The following EYS variants were observed in gnomAD, a reference collection of about 807,000 sequenced individuals.
EYS encodes the protein protein eyes shut homolog.
Under a neutral mutation model 282.1 loss-of-function variants are expected in EYS, and 250 were observed. The observed-to-expected ratio is 0.89, with a 90% CI of 0.80 to 0.98. The LOEUF (loss-of-function observed/expected upper bound fraction) is 0.98, where lower values mean the gene tolerates loss of function less well. Ranked by LOEUF, EYS falls within the 50% of genes least tolerant of loss-of-function variation. The probability of loss-of-function intolerance (pLI) is 0.00; values close to 1 mark genes in which losing one functional copy is unlikely to be tolerated. For missense variants in EYS, 4,016 were observed against 3,709.0 expected (o/e 1.08, Z -2.15); for synonymous variants, 1,355 against 1,282.9 (o/e 1.06, Z -1.20).
chr6:64,186,728 AGGT>A (rs1274315180), intron 31 of EYS, among the ~76,000 whole-genome samples: 1 of 152,140 alleles, frequency 6.6e-6, no homozygotes, highest in Non-Finnish European at 1.5e-5. Flanking sequence ...ATCCCTTATT[AGGT>A]GTTGGTTCTC....
chr6:65,375,380 A>G (rs1765323779), intron 8 of EYS, among the ~76,000 whole-genome samples: 1 of 152,096 alleles, frequency 6.6e-6, no homozygotes, highest in African/African-American at 2.4e-5. Flanking sequence ...ACCCCATCAA[A>G]AGGTCATCAG....
intron 1 of EYS, among the ~76,000 whole-genome samples, chr6:65,667,168 G>C (rs1562318044): frequency 6.6e-6 from 1 of 151,736 alleles, no homozygotes; most frequent in Non-Finnish European, 1.5e-5. Flanking sequence ...TTCTGTTCTT[G>C]CTCTTACTTA....
intron 19 of EYS, among the ~76,000 whole-genome samples, chr6:64,853,651 T>C (rs1030531341): frequency 2.4e-4 from 36 of 152,100 alleles, no homozygotes; most frequent in African/African-American, 8.7e-4. Flanking sequence ...GTTGTTAATA[T>C]AAAGTAGAAA....
intron 12 of EYS, among the ~76,000 whole-genome samples, chr6:65,118,609 C>T (rs1269256661): frequency 1.3e-5 from 2 of 152,174 alleles, no homozygotes; most frequent in African/African-American, 2.4e-5. Context: ...CCTGTGATTG[C>T]TGTGAATTGT....
intron 22 of EYS, among the ~76,000 whole-genome samples, chr6:64,634,730 A>T (rs1281578733): frequency 6.6e-6 from 1 of 152,228 alleles, no homozygotes; most frequent in Non-Finnish European, 1.5e-5. Flanking sequence ...CTAAGAAAAA[A>T]TGAAGAAGGG....
chr6:64,926,932 G>A (rs138542924), intron 15 of EYS, among the ~76,000 whole-genome samples: 10 of 152,240 alleles, frequency 6.6e-5, no homozygotes, highest in South Asian at 4.1e-4. Context: ...GGCGATATAC[G>A]TCATGATTTT....
At chr6:64,776,099 T>C (rs1773669008) in intron 22 of EYS, among the ~76,000 whole-genome samples, 1 of 152,036 alleles carries the variant, frequency 6.6e-6, no homozygotes. Context: ...AAATCAAATA[T>C]CACACAAATC....
intron 34 of EYS, among the ~76,000 whole-genome samples, chr6:63,986,598 A>G (rs1767378869): frequency 6.6e-6 from 1 of 151,840 alleles, no homozygotes; most frequent in Admixed American, 6.6e-5. Context: ...ATGCAGCCAT[A>G]AAAAAGAATG....
In EYS at chr6:63,720,545, T is replaced by C. The variant is rs2149623247; in HGVS notation, c.*51A>G. 1.5e-6 allele frequency: 2 copies of C among 1,315,564 alleles called. No homozygotes were observed. Among genetic ancestry groups the C allele is most frequent in the Non-Finnish European group, 1.0e-6 (1 of 984,004 alleles). The allele number at this position is 1,315,564 out of a possible 1,614,324, so 81.5% of individuals were successfully genotyped here. Reference sequence around the variant, plus strand: ...AAGCAATGTATCAAAGAAATAACTATCAAAATAACTGCATTTATGTATAGT... The same window carrying C: ...AAGCAATGTATCAAAGAAATAACTACCAAAATAACTGCATTTATGTATAGT... On this transcript the variant is annotated 3_prime_UTR_variant, in exon 43 of 43. Transcript: ENST00000503581.
At chr6:64,193,153 A>C (rs1562246781) in intron 31 of EYS, among the ~76,000 whole-genome samples, 1 of 152,322 alleles carries the variant, frequency 6.6e-6, no homozygotes, top group Non-Finnish European at 1.5e-5. Context: ...GTCACATTTT[A>C]CAAAATAAAA....
At chr6:64,262,626 G>A (rs1268988185) in intron 30 of EYS, among the ~76,000 whole-genome samples, 40 of 151,802 alleles carry the variant, frequency 2.6e-4, no homozygotes. Flanking sequence ...CTTCCTTTTT[G>A]CTTTGCTGGC....
intron 41 of EYS, chr6:63,742,090 TCTTCA>T: frequency 1.5e-6 from 1 of 651,192 alleles, no homozygotes; most frequent in Non-Finnish European, 2.8e-6. Flanking sequence ...CCTCTTTAAC[TCTTCA>T]CTTGTACATC....
At chr6:64,489,348 A>G (rs2150504857) in intron 26 of EYS, among the ~76,000 whole-genome samples, 1 of 150,766 alleles carries the variant, frequency 6.6e-6, no homozygotes, top group Non-Finnish European at 1.5e-5. Flanking sequence ...TCTAGTGGTC[A>G]GACAATTGAG....
intron 37 of EYS, among the ~76,000 whole-genome samples, chr6:63,803,296 A>G (rs1770823560): frequency 6.6e-6 from 1 of 151,300 alleles, no homozygotes; most frequent in South Asian, 2.1e-4. Flanking sequence ...TAAATATATG[A>G]TAAGTGGTGT....
At chr6:65,690,016 T>G (rs1336058072) in intron 1 of EYS, among the ~76,000 whole-genome samples, 2 of 149,798 alleles carry the variant, frequency 1.3e-5, no homozygotes, top group African/African-American at 4.9e-5. Context: ...GGTAGGTTAG[T>G]GAGGGATTTA....
intron 7 of EYS, among the ~76,000 whole-genome samples, chr6:65,385,395 T>G (rs2150352518): frequency 6.6e-6 from 1 of 152,058 alleles, no homozygotes; most frequent in African/African-American, 2.4e-5. Context: ...ATAAAATGCT[T>G]TAGTAATTTA....
chr6:63,870,053 G>T (rs1006514443), intron 35 of EYS, among the ~76,000 whole-genome samples: 2 of 152,112 alleles, frequency 1.3e-5, no homozygotes. Flanking sequence ...ATCTGGGCAG[G>T]ATTCAATATA....
chr6:64,642,378 T>C (rs1407870605), intron 22 of EYS, among the ~76,000 whole-genome samples: 1 of 152,238 alleles, frequency 6.6e-6, no homozygotes, highest in African/African-American at 2.4e-5. Context: ...TGAGATTTAA[T>C]GTGCCATTAT....
rs140918519 is a variant in EYS at position 64,608,768 on chromosome 6, T to G, written c.3684+8650A>C. ...GCCATGAAAAAATCCTGGAAGGATATTAAATCCCCATTATTAAGTGAAAGA... is the reference window on the plus strand; with the variant it reads ...GCCATGAAAAAATCCTGGAAGGATAGTAAATCCCCATTATTAAGTGAAAGA... On this transcript the variant is annotated intron_variant, in intron 24 of 42. Transcript: ENST00000503581. 3.7e-3 allele frequency among the ~76,000 whole-genome samples: 564 copies of G among 152,226 alleles called. 8 individuals carry two copies. The highest frequency in any genetic ancestry group is 0.013 in the African/African-American group (530 of 41,542).
Sources: gnomAD v4.1 joint callset for allele counts (sites outside exome capture counted in the v4.1 genomes callset) on GRCh38, gnomAD v4.1.1 for gene constraint, MANE v1.5 for transcripts, NCBI Gene and HGNC (gene_info 2026-07-23, HGNC 2026-07-21) for gene names.